Variants in HHAT observed in about 807,000 individuals in gnomAD.
HHAT encodes protein-cysteine N-palmitoyltransferase HHAT.
In HHAT, 47 loss-of-function variants were observed where a neutral mutation model predicts 70.8. The ratio of observed to expected loss-of-function variants is 0.66; its 90% CI spans 0.53 to 0.85. HHAT has a LOEUF of 0.85. Ranked by LOEUF, HHAT falls within the 40% of genes least tolerant of loss-of-function variation. The pLI, the probability that HHAT is intolerant of heterozygous loss-of-function variation, is 0.00. For synonymous variants in HHAT, 228 were observed against 247.6 expected, an observed-to-expected ratio of 0.92 and a Z score of 0.74; for missense variants, 609 against 604.8, an observed-to-expected ratio of 1.01 and a Z score of -0.07.
At chr1:210,670,242 C>T (rs549130278) in intron 11 of HHAT, among the ~76,000 whole-genome samples, 13 of 152,220 alleles carry the variant, frequency 8.5e-5, no homozygotes, top group Non-Finnish European at 1.6e-4. Flanking sequence ...ACCCCTGCCC[C>T]CCTGGGCCAC....
chr1:210,335,300 T>A, intron 1 of HHAT, among the ~76,000 whole-genome samples: 1 of 137,280 alleles, frequency 7.3e-6, no homozygotes, highest in African/African-American at 2.8e-5. Flanking sequence ...TTGATACAAC[T>A]CAGCACCCAT....
intron 3 of HHAT, among the ~76,000 whole-genome samples, chr1:210,367,611 A>G (rs568782561): frequency 6.6e-4 from 101 of 152,242 alleles, no homozygotes; most frequent in African/African-American, 2.3e-3. Context: ...TGTATTAGGG[A>G]AATGGTGAGT....
At chr1:210,371,067 A>C (rs906620276) in intron 3 of HHAT, among the ~76,000 whole-genome samples, 1 of 152,242 alleles carries the variant, frequency 6.6e-6, no homozygotes, top group African/African-American at 2.4e-5. Flanking sequence ...AAGGTCATGT[A>C]CTGATGGGTA....
At chr1:210,593,909 A>G (rs1361764823) in intron 10 of HHAT, among the ~76,000 whole-genome samples, 1 of 152,184 alleles carries the variant, frequency 6.6e-6, no homozygotes, top group African/African-American at 2.4e-5. Flanking sequence ...TTATCATTAT[A>G]TAATGATGAT....
At chr1:210,459,301 G>T (rs755618205) in intron 7 of HHAT, among the ~76,000 whole-genome samples, 2 of 152,126 alleles carry the variant, frequency 1.3e-5, no homozygotes, top group Non-Finnish European at 2.9e-5. Flanking sequence ...TACACTTCCC[G>T]GAAGTACTGT....
chr1:210,474,722 T>G (rs1319179321), intron 8 of HHAT, among the ~76,000 whole-genome samples: 1 of 152,032 alleles, frequency 6.6e-6, no homozygotes, highest in Non-Finnish European at 1.5e-5. Context: ...CTTTATTGAG[T>G]CTAGTGGATA....
chr1:210,668,395 C>T (rs918086131), intron 11 of HHAT, among the ~76,000 whole-genome samples: 2 of 152,158 alleles, frequency 1.3e-5, no homozygotes, highest in African/African-American at 4.8e-5. Context: ...GGGAAGGACC[C>T]GGTGGGAGGT....
upstream of HHAT, chr1:210,328,885 G>T: frequency 1.6e-6 from 1 of 606,638 alleles, no homozygotes; most frequent in South Asian, 8.3e-5. Context: ...TCCCGAGTCC[G>T]GGCGCGGAGG....
intron 3 of HHAT, among the ~76,000 whole-genome samples, chr1:210,375,408 T>C (rs1449606704): frequency 6.6e-6 from 1 of 152,212 alleles, no homozygotes; most frequent in East Asian, 1.9e-4. Context: ...AAGTCTACTT[T>C]ATCTGCCATT....
chr1:210,498,560 C>T (rs2094693515), intron 8 of HHAT, among the ~76,000 whole-genome samples: 1 of 152,158 alleles, frequency 6.6e-6, no homozygotes, highest in South Asian at 2.1e-4. Flanking sequence ...GCAACATTAT[C>T]AGTCAGCTTT....
intron 8 of HHAT, among the ~76,000 whole-genome samples, chr1:210,486,410 T>C (rs1321052746): frequency 6.6e-6 from 1 of 152,244 alleles, no homozygotes; most frequent in Non-Finnish European, 1.5e-5. Context: ...TTCTGAAGGA[T>C]TGTTCTTGAG....
chr1:210,500,353 TA>T (rs1226510945), intron 8 of HHAT, among the ~76,000 whole-genome samples: 3 of 152,364 alleles, frequency 2.0e-5, no homozygotes, highest in African/African-American at 7.2e-5. Flanking sequence ...ATTGTATTAA[TA>T]ATAGCCTTAT....
At chr1:210,489,320 A>G (rs2094517504) in intron 8 of HHAT, among the ~76,000 whole-genome samples, 1 of 152,236 alleles carries the variant, frequency 6.6e-6, no homozygotes, top group Non-Finnish European at 1.5e-5. Flanking sequence ...AGAGTTGAAG[A>G]AAGTAACTGG....
At chr1:210,599,946 A>G (rs576679210) in intron 10 of HHAT, among the ~76,000 whole-genome samples, 1 of 152,054 alleles carries the variant, frequency 6.6e-6, no homozygotes, top group East Asian at 1.9e-4. Context: ...TTCATTACAT[A>G]CCTGATCCCT....
chr1:210,605,610 G>C (rs906608210), intron 10 of HHAT, among the ~76,000 whole-genome samples: 3 of 152,176 alleles, frequency 2.0e-5, no homozygotes, highest in African/African-American at 7.2e-5. Context: ...TTATAGGCGT[G>C]TATTATCATT....
intron 10 of HHAT, among the ~76,000 whole-genome samples, chr1:210,615,498 A>T (rs1423471336): frequency 6.6e-6 from 1 of 152,146 alleles, no homozygotes; most frequent in East Asian, 1.9e-4. Context: ...CATTCCTTTG[A>T]AGGAGGAGAG....
chr1:210,548,304 T>A (rs1335903436), intron 9 of HHAT, among the ~76,000 whole-genome samples: 1 of 152,178 alleles, frequency 6.6e-6, no homozygotes, highest in Non-Finnish European at 1.5e-5. Flanking sequence ...GCCCAGTGCT[T>A]TAAGGGTGCG....
chr1:210,619,671 A>G lies in HHAT; in HGVS notation c.1246-3855A>G, dbSNP rs529021588. Among the ~76,000 whole-genome samples, 35 of 152,220 alleles carry G rather than the reference A, an allele frequency of 2.3e-4. 1 individual carries two copies. In the South Asian group the frequency reaches 7.3e-3, roughly 32 times the overall value. On this transcript the variant is annotated intron_variant, in intron 10 of 11. Transcript: ENST00000261458. ...CGCTTATTATCCCTGGCCCCTGCCC[A>G]CCAAATGCCACATTGCCTTGTAGTC...
intron 9 of HHAT, among the ~76,000 whole-genome samples, chr1:210,575,522 G>A (rs1657518606): frequency 6.6e-6 from 1 of 152,158 alleles, no homozygotes; most frequent in African/African-American, 2.4e-5. Context: ...GGGATGCTGA[G>A]ACTTCAATGT....
Sources: allele counts gnomAD v4.1 joint callset (sites outside exome capture counted in the v4.1 genomes callset), GRCh38; gene constraint gnomAD v4.1.1; transcripts MANE v1.5; gene names NCBI Gene and HGNC (gene_info 2026-07-23, HGNC 2026-07-21).